Variants in OVCH1 observed in about 807,000 individuals in gnomAD.
The protein encoded by OVCH1 is ovochymase-1.
Under a neutral mutation model 138.4 loss-of-function variants are expected in OVCH1, and 139 were observed. That is an observed-to-expected ratio of 1.00 (90% CI 0.87 to 1.16). The LOEUF is 1.16. Among genes scored for constraint, OVCH1 ranks in the 50% most tolerant of loss-of-function variants. The pLI is 0.00. For missense variants in OVCH1, 1,367 were observed against 1,357.9 expected, an observed-to-expected ratio of 1.01 and a Z score of -0.11; for synonymous variants, 453 against 467.8, an observed-to-expected ratio of 0.97 and a Z score of 0.41.
rs372967888 is a variant in OVCH1, at chr12:29,471,064, TGTTA to T, written c.1856+734_1856+737del. The stretch of plus-strand genomic sequence containing the variant: ...TCCTTTGCCCACTTTTTGATGGGGT[TGTTA>T]GTTTTTTTCCTTGTAAATTTAGCAT... On this transcript the variant is annotated intron_variant, in intron 16 of 27. Coordinates refer to ENST00000318184, the Ensembl canonical transcript of OVCH1. Among the ~76,000 whole-genome samples, 17 of 152,310 alleles carry T rather than the reference TGTTA, an allele frequency of 1.1e-4. No homozygotes were observed. The East Asian group carries it at 2.5e-3, about 22-fold the overall frequency.
At position 29,427,764 on chromosome 12, in the gene OVCH1, C is replaced by A. The variant is rs949073592; in HGVS notation, c.3328-116G>T. On this transcript the variant is annotated intron_variant, in intron 27 of 27. Coordinates refer to ENST00000318184, the Ensembl canonical transcript of OVCH1. ...AAGCCAGGAGAGTAGCAACAGGGGT[C>A]TATATTCATTAGGTCCAAAATCTTT... is the stretch of plus-strand genomic sequence containing the variant. 14 of 1,370,890 alleles carry A rather than the reference C, an allele frequency of 1.0e-5. No homozygotes were observed. In the Admixed American group the frequency reaches 2.7e-4, roughly 26 times the overall value. The allele number at this position is 1,370,890 out of a possible 1,614,324, so 84.9% of individuals were successfully genotyped here. A position where few individuals can be genotyped will look rare whatever the true frequency, so the allele number is the denominator to read the frequency against.
intron 14 of OVCH1, among the ~76,000 whole-genome samples, chr12:29,474,204 A>G (rs1418450294): frequency 6.6e-6 from 1 of 152,050 alleles, no homozygotes; most frequent in East Asian, 1.9e-4. Flanking sequence ...ATAAAACAAT[A>G]CGTATAGAAT....
chr12:29,465,607 C>A (rs1249497919), intron 16 of OVCH1, among the ~76,000 whole-genome samples: 1 of 152,090 alleles, frequency 6.6e-6, no homozygotes, highest in African/African-American at 2.4e-5. Flanking sequence ...GCAACAGTCC[C>A]CTGTCCCATT....
At chr12:29,440,367 C>T (rs575436250) in intron 25 of OVCH1, among the ~76,000 whole-genome samples, 20 of 152,080 alleles carry the variant, frequency 1.3e-4, no homozygotes, top group Non-Finnish European at 2.8e-4. Context: ...TGCTAATGTA[C>T]TCTTCCTTCT....
chr12:29,440,277 G>T (rs1160437433), intron 25 of OVCH1, among the ~76,000 whole-genome samples: 1 of 152,110 alleles, frequency 6.6e-6, no homozygotes, highest in Non-Finnish European at 1.5e-5. Flanking sequence ...GAAGGAAATA[G>T]AAAACAGTAG....
At chr12:29,487,495 AC>A in intron 7 of OVCH1, 197 bp downstream of exon 7, 1 of 471,452 alleles carries the variant, frequency 2.1e-6, no homozygotes, top group African/African-American at 2.0e-5. Context: ...AAAATTTTAT[AC>A]AGGGATTTGG....
rs181465155 is a variant in OVCH1, at chr12:29,476,952, A to G, written c.1377+150T>C. 466 of 963,978 alleles carry G rather than the reference A, an allele frequency of 4.8e-4. 9 individuals are homozygous for G. The East Asian group carries it at 0.013, about 26-fold the overall frequency. The allele number at this position is 963,978 out of a possible 1,614,324, so 59.7% of individuals were successfully genotyped here. On this transcript the variant is annotated intron_variant, in intron 12 of 27. Transcript: ENST00000318184. The stretch of plus-strand genomic sequence containing the variant: ...ACTGAAAGTTTTCAAAACCACTCAC[A>G]GAGATTTCTTTTCAGAGTAAAAAAA...
At chr12:29,408,322 T>G (rs1940909223), downstream of OVCH1, among the ~76,000 whole-genome samples, 2 of 123,480 alleles carry the variant, frequency 1.6e-5, 1 homozygote, top group Admixed American at 1.7e-4. Flanking sequence ...CTAATTGCCC[T>G]GGCCAGAACT....
chr12:29,444,321 T>G (rs1296863908), intron 23 of OVCH1, 41 bp from the exon 24 acceptor site: 1 of 1,588,452 alleles, frequency 6.3e-7, no homozygotes, highest in African/African-American at 1.4e-5. Context: ...ATAAAACCAA[T>G]TTTTAACAGG....
At chr12:29,444,993 T>C (rs904041183) in intron 23 of OVCH1, among the ~76,000 whole-genome samples, 1 of 152,118 alleles carries the variant, frequency 6.6e-6, no homozygotes, top group Non-Finnish European at 1.5e-5. Context: ...AAACATTCTT[T>C]GTGGTATAAA....
chr12:29,462,956 C>T (rs927255011), intron 18 of OVCH1, among the ~76,000 whole-genome samples: 1 of 152,310 alleles, frequency 6.6e-6, no homozygotes, highest in East Asian at 1.9e-4. Context: ...CATTTCCTCT[C>T]CTAGCTGGAA....
Position 29,479,085 on chromosome 12 carries a change from G to A in OVCH1, c.996-177C>T, listed in dbSNP as rs762846805. On this transcript the variant is annotated intron_variant, in intron 8 of 27. Transcript: ENST00000318184. ...ACAACCATACAATTTTATAGAATACGAGAAGATAAAAGGCAATAGAACATT... is the reference window on the plus strand; with the variant it reads ...ACAACCATACAATTTTATAGAATACAAGAAGATAAAAGGCAATAGAACATT... Among the ~76,000 whole-genome samples, 15 of 152,214 alleles carry A rather than the reference G, an allele frequency of 9.9e-5. No individual in the cohort carries two copies. In the East Asian group the frequency reaches 1.9e-3, roughly 20 times the overall value.
exon 11 of OVCH1, chr12:29,477,378 A>G (rs1447837121): frequency 3.7e-6 from 6 of 1,613,580 alleles, no homozygotes; most frequent in Non-Finnish European, 5.1e-6. Context: ...CGGTAAGCTC[A>G]AAGCCACTGC....
intron 4 of OVCH1, among the ~76,000 whole-genome samples, chr12:29,494,752 AG>A (rs1565617206): frequency 6.6e-6 from 1 of 152,146 alleles, no homozygotes; most frequent in Non-Finnish European, 1.5e-5. Flanking sequence ...CTCATGTGTG[AG>A]CTAAAATGCT....
chr12:29,485,259 A>C (rs1306472309), intron 8 of OVCH1, among the ~76,000 whole-genome samples: 1 of 148,688 alleles, frequency 6.7e-6, no homozygotes, highest in Non-Finnish European at 1.5e-5. Context: ...GCTTGAACCC[A>C]GGAGGCAGAG....
chr12:29,412,088 A>G (rs573165699), downstream of OVCH1, among the ~76,000 whole-genome samples: 79 of 152,134 alleles, frequency 5.2e-4, no homozygotes, highest in Middle Eastern at 6.8e-3. Context: ...GCGAGACTCC[A>G]TGGGCGTAGG....
chr12:29,461,770 T>G, intron 19 of OVCH1, 84 bp downstream of exon 19: 1 of 1,542,826 alleles, frequency 6.5e-7, no homozygotes, highest in Non-Finnish European at 8.9e-7. Context: ...GTTGGTGATT[T>G]CAGCAATGGT....
intron 14 of OVCH1, among the ~76,000 whole-genome samples, chr12:29,474,106 T>C (rs111922363): frequency 0.16 from 19,439 of 121,976 alleles, 1,234 homozygotes; most frequent in Non-Finnish European, 0.17. Context: ...CACACACACA[T>C]ATATATATCT....
chr12:29,435,711 C>T (rs899297268), intron 26 of OVCH1, among the ~76,000 whole-genome samples: 2 of 152,054 alleles, frequency 1.3e-5, no homozygotes, highest in Non-Finnish European at 2.9e-5. Flanking sequence ...TCCCACTACC[C>T]TAAGATTTCT....
Sources: gnomAD v4.1 joint callset for allele counts (sites outside exome capture counted in the v4.1 genomes callset) on GRCh38, gnomAD v4.1.1 for gene constraint, MANE v1.5 for transcripts, NCBI Gene and HGNC (gene_info 2026-07-23, HGNC 2026-07-21) for gene names.